SEMA3E: variants seen among roughly 807,000 people sequenced by gnomAD.
SEMA3E encodes the protein semaphorin 3E.
In SEMA3E, 49 loss-of-function variants were observed where a neutral mutation model predicts 93.6. That is an observed-to-expected ratio of 0.52 (90% confidence interval 0.42 to 0.66). The LOEUF (loss-of-function observed/expected upper bound fraction) is 0.66. Ranked by LOEUF, SEMA3E falls within the 30% of genes least tolerant of loss-of-function variation. The probability of loss-of-function intolerance (pLI) is 0.00; values close to 1 mark genes in which losing one functional copy is unlikely to be tolerated. For synonymous variants in SEMA3E, 363 were observed against 330.7 expected, an observed-to-expected ratio of 1.10 and a Z score of -1.06; for missense variants, 906 against 964.8, an observed-to-expected ratio of 0.94 and a Z score of 0.81.
chr7:83,468,433 T>C (rs1298356347), intron 3 of SEMA3E, among the ~76,000 whole-genome samples: 2 of 152,210 alleles, frequency 1.3e-5, no homozygotes, highest in African/African-American at 4.8e-5. Flanking sequence ...ATATGTTCAA[T>C]TAGTCAGCAT....
rs772807804 is a variant in SEMA3E, at chr7:83,469,289, C to T, written c.290G>A (p.Ser97Asn). 2 of 1,609,936 alleles carry T rather than the reference C, an allele frequency of 1.2e-6. No individual in the cohort carries two copies. Among genetic ancestry groups the T allele is most frequent in the East Asian group, 2.2e-5 (1 of 44,734 alleles). The change falls in exon 3 of 17, where the codon AGT (serine) becomes AAT (asparagine). Residue 97 changes from serine (S) to asparagine (N), a missense_variant. Transcript: ENST00000643230. ...SDGYKEIHWPSTALKMEECIM... is the reference protein window; with the variant it reads ...SDGYKEIHWPNTALKMEECIM... ...GCATTCTTCCATTTTTAGAGCTGTACTCGGCCAGTGTATCTAAAATAAAAG... is the reference window on the plus strand; with the variant it reads ...GCATTCTTCCATTTTTAGAGCTGTATTCGGCCAGTGTATCTAAAATAAAAG...
intron 1 of SEMA3E, among the ~76,000 whole-genome samples, chr7:83,606,256 A>C (rs1562852356): frequency 6.6e-6 from 1 of 152,212 alleles, no homozygotes; most frequent in African/African-American, 2.4e-5. Flanking sequence ...ATGGTGACCT[A>C]GAAAAAGCTA....
chr7:83,537,383 C>G (rs567726049), intron 1 of SEMA3E, among the ~76,000 whole-genome samples: 1 of 152,284 alleles, frequency 6.6e-6, no homozygotes, highest in East Asian at 1.9e-4. Flanking sequence ...GAGCAGTGGT[C>G]TTAACTTGGG....
chr7:83,563,856 C>A (rs1562834182), intron 1 of SEMA3E, among the ~76,000 whole-genome samples: 1 of 152,096 alleles, frequency 6.6e-6, no homozygotes, highest in Non-Finnish European at 1.5e-5. Flanking sequence ...GCTGTTGATC[C>A]ACTCCAATTT....
rs369210004 is a variant in SEMA3E, at chr7:83,516,945, T to TTATATATATA, written c.116-26681_116-26672dup. Among the ~76,000 whole-genome samples, 1,023 of 148,518 alleles carry TTATATATATA rather than the reference T, an allele frequency of 6.9e-3. 4 individuals carry two copies. The highest frequency in any genetic ancestry group is 0.011 in the Non-Finnish European group (729 of 67,076). On this transcript the variant is annotated intron_variant, in intron 1 of 16. Coordinates refer to ENST00000643230, the MANE Select transcript of SEMA3E (RefSeq NM_012431.3). ...TTTATTGAGTATATATAGCATATAT[T>TTATATATATA]TATATATATATATGTATATAAAATA...
At chr7:83,640,455 A>G (rs1485347018) in intron 1 of SEMA3E, among the ~76,000 whole-genome samples, 1 of 152,154 alleles carries the variant, frequency 6.6e-6, no homozygotes, top group East Asian at 1.9e-4. Flanking sequence ...TCCAATTGCC[A>G]CAATCCCATG....
Position 83,394,050 on chromosome 7 carries a change from T to C in SEMA3E, c.1500+247A>G, listed in dbSNP as rs9691085. ...TTTCAGTCAAACAAGATTAATAAGGTTTAGAGGTCTGCAGTATAACACTGT... is the reference window on the plus strand; with the variant it reads ...TTTCAGTCAAACAAGATTAATAAGGCTTAGAGGTCTGCAGTATAACACTGT... On this transcript the variant is annotated intron_variant, in intron 13 of 16. Transcript: ENST00000643230. 0.05 allele frequency among the ~76,000 whole-genome samples: 7,597 copies of C among 152,190 alleles called. 284 individuals carry two copies. Among genetic ancestry groups the C allele is most frequent in the Non-Finnish European group, 0.072 (4,897 of 67,978 alleles).
chr7:83,568,738 C>A (rs1792213671), intron 1 of SEMA3E, among the ~76,000 whole-genome samples: 1 of 152,020 alleles, frequency 6.6e-6, no homozygotes. Context: ...AATAAAGTCA[C>A]ATCATGACAA....
At chr7:83,443,674 A>G (rs1172882365) in intron 4 of SEMA3E, among the ~76,000 whole-genome samples, 1 of 152,180 alleles carries the variant, frequency 6.6e-6, no homozygotes, top group Admixed American at 6.6e-5. Flanking sequence ...CATCATATAT[A>G]TACTTGCATA....
intron 4 of SEMA3E, among the ~76,000 whole-genome samples, chr7:83,461,152 G>A (rs1789608347): frequency 6.6e-6 from 1 of 152,088 alleles, no homozygotes; most frequent in African/African-American, 2.4e-5. Flanking sequence ...TAGGCAAACG[G>A]TCTGAGGTGC....
chr7:83,480,328 C>A (rs1472528286), intron 2 of SEMA3E, among the ~76,000 whole-genome samples: 4 of 151,878 alleles, frequency 2.6e-5, no homozygotes, highest in Non-Finnish European at 5.9e-5. Context: ...TTGTAGGGGC[C>A]AAGGCAGGAG....
At position 83,436,194 on chromosome 7, in the gene SEMA3E, A is replaced by C. The variant is rs901526471; in HGVS notation, c.457-17711T>G. 3.3e-5 allele frequency among the ~76,000 whole-genome samples: 5 copies of C among 151,874 alleles called. No homozygotes were observed. In the South Asian group the frequency reaches 1.0e-3, roughly 32 times the overall value. ...CTAACATATGTGTGTGTGTGTACAC[A>C]CACACGCATACATATAAAACGTGTG... is the stretch of plus-strand genomic sequence containing the variant. On this transcript the variant is annotated intron_variant, in intron 4 of 16. Coordinates refer to ENST00000643230, the MANE Select transcript of SEMA3E (RefSeq NM_012431.3).
chr7:83,586,635 ACTCT>A lies in SEMA3E; in HGVS notation c.115+61789_115+61792del, dbSNP rs1263230088. Among the ~76,000 whole-genome samples the A allele has an allele frequency of 2.6e-5, 4 of 151,478 alleles. No homozygotes were observed. The East Asian group carries it at 7.9e-4, about 30-fold the overall frequency. ...TTGGCACGCTATTTTAATCAGTAAG[ACTCT>A]CTCTTTGAAGACCAAGACAAGCAGA... is the stretch of plus-strand genomic sequence containing the variant. On this transcript the variant is annotated intron_variant, in intron 1 of 16. Transcript: ENST00000643230.
chr7:83,497,531 T>C (rs2115584840), intron 1 of SEMA3E, among the ~76,000 whole-genome samples: 1 of 152,282 alleles, frequency 6.6e-6, no homozygotes, highest in East Asian at 1.9e-4. Context: ...GAAATAGCCA[T>C]TAGAAATTTT....
At chr7:83,454,168 G>A (rs1043135899) in intron 4 of SEMA3E, among the ~76,000 whole-genome samples, 4 of 147,778 alleles carry the variant, frequency 2.7e-5, no homozygotes, top group Non-Finnish European at 5.9e-5. Context: ...TGAGGCAGGA[G>A]AATTGCGTGA....
At chr7:83,527,472 A>G (rs1791185180) in intron 1 of SEMA3E, among the ~76,000 whole-genome samples, 3 of 152,146 alleles carry the variant, frequency 2.0e-5, no homozygotes, top group South Asian at 4.1e-4. Flanking sequence ...CCCTGCTCCT[A>G]TGGAGTATAT....
chr7:83,549,260 A>T (rs2115794335), intron 1 of SEMA3E, among the ~76,000 whole-genome samples: 1 of 152,250 alleles, frequency 6.6e-6, no homozygotes, highest in East Asian at 1.9e-4. Context: ...TAACGTCTCA[A>T]CAAACTAGCA....
chr7:83,537,434 G>A (rs1791429418), intron 1 of SEMA3E, among the ~76,000 whole-genome samples: 1 of 152,252 alleles, frequency 6.6e-6, no homozygotes, highest in Admixed American at 6.5e-5. Flanking sequence ...AATGTCTAGA[G>A]ACATTTTTAG....
At chr7:83,498,685 G>T (rs138963780) in intron 1 of SEMA3E, among the ~76,000 whole-genome samples, 2,027 of 152,096 alleles carry the variant, frequency 0.013, 50 homozygotes, top group African/African-American at 0.047. Context: ...CACCATGTTG[G>T]CCAGGCTGGT....
Sources: gnomAD v4.1 joint callset for allele counts (sites outside exome capture counted in the v4.1 genomes callset) on GRCh38, gnomAD v4.1.1 for gene constraint, MANE v1.5 for transcripts, NCBI Gene and HGNC (gene_info 2026-07-23, HGNC 2026-07-21) for gene names.